Variants in CACNA1C observed in about 807,000 individuals in gnomAD.
CACNA1C encodes voltage-dependent L-type calcium channel subunit alpha-1C.
In CACNA1C, 30 loss-of-function variants were observed where a neutral mutation model predicts 229.0. The observed-to-expected ratio is 0.13, with a 90% confidence interval of 0.10 to 0.18. The LOEUF (loss-of-function observed/expected upper bound fraction) is 0.18. Among genes scored for constraint, CACNA1C ranks in the 10% least tolerant of loss-of-function variants. The pLI is 1.00. For missense variants in CACNA1C, 1,658 were observed against 2,845.0 expected (o/e 0.58, Z 9.49); for synonymous variants, 1,114 against 1,132.5 (o/e 0.98, Z 0.33).
chr12:2,691,438 G>C lies in CACNA1C; in HGVS notation c.*239G>C. ...GAGGGTCCCGGGGCGCGAGGAAGGC[G>C]CCTGCCCTCTCCCAGCTCGCAGGCC... is the stretch of plus-strand genomic sequence containing the variant. On this transcript the variant is annotated 3_prime_UTR_variant, in exon 47 of 47. Transcript: ENST00000399655. 2.5e-6 allele frequency: 1 copy of C among 404,828 alleles called. No homozygotes were observed. Among genetic ancestry groups the C allele is most frequent in the East Asian group, 3.8e-5 (1 of 26,624 alleles). 25.1% of individuals were successfully genotyped at this position (404,828 alleles called of 1,614,324 possible).
At chr12:2,390,225 G>A (rs963951547) in intron 3 of CACNA1C, among the ~76,000 whole-genome samples, 1 of 152,150 alleles carries the variant, frequency 6.6e-6, no homozygotes, top group Non-Finnish European at 1.5e-5. Context: ...TGCCAAAGGG[G>A]GCCCTGACCA....
chr12:2,132,180 C>T (rs2092385726), intron 3 of CACNA1C, among the ~76,000 whole-genome samples: 1 of 145,074 alleles, frequency 6.9e-6, no homozygotes, highest in African/African-American at 2.6e-5. Flanking sequence ...GCTGAAATTG[C>T]TTATCAGCTT....
intron 3 of CACNA1C, among the ~76,000 whole-genome samples, chr12:2,229,271 A>G (rs2063978140): frequency 6.6e-6 from 1 of 152,162 alleles, no homozygotes; most frequent in African/African-American, 2.4e-5. Flanking sequence ...CTCAGAGTGC[A>G]GGCTTGATAC....
chr12:2,251,913 T>C lies in CACNA1C; in HGVS notation c.477+131483T>C, dbSNP rs553205612. ...TTTCTGCATCTGTTAAGAGGGCTAA[T>C]GAAACCTGTTTCTTACTGCAACTTG... On this transcript the variant is annotated intron_variant, in intron 3 of 46. Coordinates refer to ENST00000399655, the MANE Select transcript of CACNA1C (RefSeq NM_000719.7). Among the ~76,000 whole-genome samples, 5 of 152,362 alleles carry C rather than the reference T, an allele frequency of 3.3e-5. No individual in the cohort carries two copies. The South Asian group carries it at 1.0e-3, about 32-fold the overall frequency.
At chr12:2,305,776 G>A (rs2094958089) in intron 3 of CACNA1C, among the ~76,000 whole-genome samples, 1 of 152,170 alleles carries the variant, frequency 6.6e-6, no homozygotes, top group Non-Finnish European at 1.5e-5. Flanking sequence ...CTAGAAAGTG[G>A]AGGCTGCAGT....
intron 13 of CACNA1C, among the ~76,000 whole-genome samples, chr12:2,571,922 G>T (rs2054654476): frequency 6.6e-6 from 1 of 152,168 alleles, no homozygotes; most frequent in African/African-American, 2.4e-5. Flanking sequence ...CCTTGAAATG[G>T]GTCATCTGTG....
intron 3 of CACNA1C, among the ~76,000 whole-genome samples, chr12:2,417,927 C>T (rs1393480453): frequency 6.6e-6 from 1 of 151,914 alleles, no homozygotes. Context: ...TCAGCAAATA[C>T]CTGTGCGGGG....
chr12:2,462,243 CA>C (rs1445288950), intron 5 of CACNA1C, among the ~76,000 whole-genome samples: 12 of 149,986 alleles, frequency 8.0e-5, no homozygotes, highest in Non-Finnish European at 1.7e-4. Context: ...CCTTGGCCCC[CA>C]CCTCGGCTCA....
intron 3 of CACNA1C, among the ~76,000 whole-genome samples, chr12:2,139,337 G>A (rs1177671607): frequency 6.6e-6 from 1 of 150,982 alleles, no homozygotes; most frequent in Non-Finnish European, 1.5e-5. Context: ...ATTGGATTAG[G>A]GCTCCTTCAC....
intron 5 of CACNA1C, among the ~76,000 whole-genome samples, chr12:2,463,111 C>T (rs1027357407): frequency 3.9e-5 from 6 of 152,000 alleles, no homozygotes; most frequent in East Asian, 3.9e-4. Flanking sequence ...CGGGTTTCAC[C>T]GGTTAGCCAG....
chr12:2,015,415 C>T (rs541657798), intron 1 of CACNA1C, among the ~76,000 whole-genome samples: 42 of 152,230 alleles, frequency 2.8e-4, no homozygotes, highest in Admixed American at 1.8e-3. Context: ...CCCCTGTTTG[C>T]CAGGGCCTAA....
intron 3 of CACNA1C, among the ~76,000 whole-genome samples, chr12:2,350,533 C>A (rs535582362): frequency 6.6e-6 from 1 of 152,278 alleles, no homozygotes; most frequent in East Asian, 1.9e-4. Flanking sequence ...ATCAAGGGGG[C>A]AATGGGGCCT....
At chr12:2,471,029 A>T (rs1387607462) in intron 5 of CACNA1C, among the ~76,000 whole-genome samples, 1 of 152,120 alleles carries the variant, frequency 6.6e-6, no homozygotes, top group East Asian at 1.9e-4. Flanking sequence ...ACAGGATTTC[A>T]CCATGTTGGC....
At chr12:2,304,110 G>C (rs1163721596) in intron 3 of CACNA1C, among the ~76,000 whole-genome samples, 1 of 152,164 alleles carries the variant, frequency 6.6e-6, no homozygotes, top group Non-Finnish European at 1.5e-5. Context: ...GGGTGCACAG[G>C]ACGGAGCAGG....
intron 3 of CACNA1C, among the ~76,000 whole-genome samples, chr12:2,257,807 T>G (rs1258128143): frequency 6.6e-6 from 1 of 152,262 alleles, no homozygotes; most frequent in African/African-American, 2.4e-5. Flanking sequence ...CTGTTAGAAC[T>G]GCAAAGACAG....
intron 1 of CACNA1C, among the ~76,000 whole-genome samples, chr12:2,100,054 T>G (rs1000117958): frequency 5.2e-4 from 79 of 152,336 alleles, no homozygotes; most frequent in African/African-American, 1.8e-3. Context: ...TGCCCCTGAG[T>G]GCCAGGCTGT....
intron 29 of CACNA1C, among the ~76,000 whole-genome samples, chr12:2,616,228 C>T (rs1279821985): frequency 6.6e-6 from 1 of 152,172 alleles, no homozygotes; most frequent in Non-Finnish European, 1.5e-5. Context: ...GCTGAAACCT[C>T]GGGAGGCCTG....
intron 3 of CACNA1C, among the ~76,000 whole-genome samples, chr12:2,428,826 G>A (rs2099056586): frequency 6.6e-6 from 1 of 152,230 alleles, no homozygotes; most frequent in African/African-American, 2.4e-5. Flanking sequence ...TGATGCTGAT[G>A]TTTAGCCTGT....
At chr12:2,446,570 G>C (rs2099288004) in intron 3 of CACNA1C, among the ~76,000 whole-genome samples, 1 of 151,388 alleles carries the variant, frequency 6.6e-6, no homozygotes, top group South Asian at 2.1e-4. Context: ...TGCATAGGTG[G>C]GTGAATGGAT....
Sources: gnomAD v4.1 joint callset for allele counts (sites outside exome capture counted in the v4.1 genomes callset) on GRCh38, gnomAD v4.1.1 for gene constraint, MANE v1.5 for transcripts, NCBI Gene and HGNC (gene_info 2026-07-23, HGNC 2026-07-21) for gene names.